The following CNGB3 variants were observed in gnomAD, a reference collection of about 807,000 sequenced individuals.
CNGB3 encodes the protein cyclic nucleotide-gated channel beta-3.
CNGB3 carries 86 observed loss-of-function variants against 92.8 expected under a neutral mutation model. That is an observed-to-expected ratio of 0.93 (90% confidence interval 0.78 to 1.11). The LOEUF (loss-of-function observed/expected upper bound fraction) is 1.11, where lower values mean the gene tolerates loss of function less well. Among genes scored for constraint, CNGB3 ranks in the 50% least tolerant of loss-of-function variants. CNGB3 has a pLI of 0.00. For synonymous variants in CNGB3, 333 were observed against 332.7 expected (o/e 1.00, Z -0.01); for missense variants, 1,026 against 956.8 (o/e 1.07, Z -0.95).
In CNGB3 at chr8:86,666,912, G is replaced by A. The variant is rs540563315; in HGVS notation, c.852+13C>T. The A allele has an allele frequency of 1.2e-5, 20 of 1,605,674 alleles. No individual in the cohort carries two copies. The highest frequency in any genetic ancestry group is 3.3e-5 in the Admixed American group (2 of 59,960). ...TCACGTTTCAGTTTCTGCCTTTCCC[G>A]AACCCCACTTACTATTATGTCTCCT... On this transcript the variant is annotated intron_variant, in intron 6 of 17. Coordinates refer to ENST00000320005, the MANE Select transcript of CNGB3 (RefSeq NM_019098.5).
Position 86,668,107 on chromosome 8 carries a change from G to A in CNGB3, c.555C>T (p.Tyr185=). 6.2e-7 allele frequency: 1 copy of A among 1,613,498 alleles called. No homozygotes were observed. Among genetic ancestry groups the A allele is most frequent in the African/African-American group, 1.3e-5 (1 of 74,862 alleles). The change falls in exon 5 of 18, where the codon TAC becomes TAT. Residue 185 remains tyrosine (Y), a synonymous_variant. Coordinates refer to ENST00000320005, the MANE Select transcript of CNGB3 (RefSeq NM_019098.5). ...ESDDKPTEHY[Y]RLLWFKVKKM... ...TTTTGACTTTGAACCACAACAGCCT[G>A]TAGTAATGTTCTGTTGGCTTATCAT...
chr8:86,597,914 G>A (rs1304033422), intron 15 of CNGB3, among the ~76,000 whole-genome samples: 2 of 152,172 alleles, frequency 1.3e-5, no homozygotes, highest in East Asian at 3.9e-4. Flanking sequence ...GGAAGTGGAG[G>A]TTGCAGTCAG....
intron 3 of CNGB3, among the ~76,000 whole-genome samples, chr8:86,702,246 C>T (rs1451115151): frequency 1.3e-5 from 2 of 152,102 alleles, no homozygotes; most frequent in African/African-American, 4.8e-5. Context: ...TTTGAGGGCT[C>T]GGAAGATCAA....
intron 2 of CNGB3, among the ~76,000 whole-genome samples, chr8:86,733,688 C>T (rs945135982): frequency 5.3e-5 from 8 of 152,154 alleles, no homozygotes; most frequent in South Asian, 2.1e-4. Context: ...TGGTCGTACA[C>T]GGTAAAGTCT....
In CNGB3 at chr8:86,575,718, TCG is replaced by T; in HGVS notation, c.*84_*85del. Reference sequence around the variant, plus strand: ...TTCGTTTCTCAAGGGTCCCAGCATGTCGTTTCCCCTCGTTAATTTAAGTTACA... The same window carrying T: ...TTCGTTTCTCAAGGGTCCCAGCATGTTTTCCCCTCGTTAATTTAAGTTACA... On this transcript the variant is annotated 3_prime_UTR_variant, in exon 18 of 18. Transcript: ENST00000320005. 1 of 1,239,878 alleles carries T rather than the reference TCG, an allele frequency of 8.1e-7. No homozygotes were observed. Among genetic ancestry groups the T allele is most frequent in the Non-Finnish European group, 1.2e-6 (1 of 862,170 alleles). 76.8% of individuals were successfully genotyped at this position (1,239,878 alleles called of 1,614,324 possible).
intron 3 of CNGB3, among the ~76,000 whole-genome samples, chr8:86,686,478 A>C (rs892003675): frequency 6.6e-6 from 1 of 152,158 alleles, no homozygotes; most frequent in Non-Finnish European, 1.5e-5. Context: ...AAACTGCAAA[A>C]GCAGTGTAAA....
chr8:86,721,486 G>T (rs957165198), intron 3 of CNGB3, among the ~76,000 whole-genome samples: 5 of 152,012 alleles, frequency 3.3e-5, no homozygotes, highest in African/African-American at 1.2e-4. Flanking sequence ...GATGATCTCA[G>T]AAATCATCAG....
chr8:86,627,711 G>A (rs1424399471), intron 12 of CNGB3, among the ~76,000 whole-genome samples: 1 of 152,206 alleles, frequency 6.6e-6, no homozygotes, highest in Non-Finnish European at 1.5e-5. Context: ...TAGTGGTATA[G>A]TTGTAGACAC....
At chr8:86,608,121 C>A (rs925267918) in intron 14 of CNGB3, among the ~76,000 whole-genome samples, 2 of 152,172 alleles carry the variant, frequency 1.3e-5, no homozygotes, top group African/African-American at 4.8e-5. Flanking sequence ...AATAGTTATA[C>A]CAGATATAGA....
chr8:86,667,741 T>C (rs1251155395), intron 5 of CNGB3, among the ~76,000 whole-genome samples: 1 of 152,216 alleles, frequency 6.6e-6, no homozygotes, highest in Non-Finnish European at 1.5e-5. Flanking sequence ...AGTGTGTCAG[T>C]GCACATATTG....
At chr8:86,711,445 A>G (rs1456079138) in intron 3 of CNGB3, among the ~76,000 whole-genome samples, 2 of 152,162 alleles carry the variant, frequency 1.3e-5, no homozygotes, top group Non-Finnish European at 2.9e-5. Context: ...AGTACCATGA[A>G]ACAATATAGT....
intron 15 of CNGB3, among the ~76,000 whole-genome samples, chr8:86,591,662 G>A (rs543525901): frequency 6.6e-6 from 1 of 152,316 alleles, no homozygotes; most frequent in South Asian, 2.1e-4. Context: ...AGGGGTCAGG[G>A]GTGAGGGACC....
At chr8:86,611,254 A>G (rs1304075596) in intron 14 of CNGB3, among the ~76,000 whole-genome samples, 1 of 152,212 alleles carries the variant, frequency 6.6e-6, no homozygotes, top group East Asian at 1.9e-4. Context: ...AGACATAAAA[A>G]AGGCTGAACC....
In CNGB3 at chr8:86,670,927, G is replaced by T; in HGVS notation, c.493+17C>A. ...AGCACTTCTTTCTTCCCAGTACTTG[G>T]AGGGAGCAATGCTTACCAGTTTGTG... On this transcript the variant is annotated intron_variant, in intron 4 of 17. Transcript: ENST00000320005. 2.5e-6 allele frequency: 4 copies of T among 1,612,032 alleles called. No individual in the cohort carries two copies. The highest frequency in any genetic ancestry group is 3.4e-6 in the Non-Finnish European group (4 of 1,179,900).
chr8:86,586,632 C>T (rs1486103719), intron 15 of CNGB3, among the ~76,000 whole-genome samples: 3 of 151,438 alleles, frequency 2.0e-5, no homozygotes, highest in Non-Finnish European at 4.4e-5. Flanking sequence ...TGATTATTTC[C>T]AATTTCATCC....
At chr8:86,599,324 A>C (rs1041041963) in intron 15 of CNGB3, among the ~76,000 whole-genome samples, 1 of 152,126 alleles carries the variant, frequency 6.6e-6, no homozygotes, top group African/African-American at 2.4e-5. Flanking sequence ...AGGAGGATGT[A>C]TGTTGCCTCA....
intron 15 of CNGB3, among the ~76,000 whole-genome samples, chr8:86,598,010 T>TAAAA (rs1822210572): frequency 8.0e-6 from 1 of 125,528 alleles, no homozygotes; most frequent in African/African-American, 3.9e-5. Flanking sequence ...TAAAATAAAA[T>TAAAA]TAAAATAAAA....
intron 15 of CNGB3, among the ~76,000 whole-genome samples, chr8:86,593,546 G>T (rs1469471009): frequency 6.6e-6 from 1 of 152,080 alleles, no homozygotes; most frequent in Non-Finnish European, 1.5e-5. Flanking sequence ...TAGGTGTTTT[G>T]TTTTGTTTTG....
intron 6 of CNGB3, chr8:86,660,469 G>GAAAGATGAAA: frequency 1.9e-6 from 1 of 517,986 alleles, no homozygotes; most frequent in South Asian, 1.5e-5. Flanking sequence ...TGGTCAATGA[G>GAAAGATGAAA]AAAGATGAAA....
Sources: gnomAD v4.1 joint callset for allele counts (sites outside exome capture counted in the v4.1 genomes callset) on GRCh38, gnomAD v4.1.1 for gene constraint, MANE v1.5 for transcripts, NCBI Gene and HGNC (gene_info 2026-07-23, HGNC 2026-07-21) for gene names.